Variants in LYZL1 observed in about 807,000 individuals in gnomAD.
LYZL1 encodes lysozyme like 1.
A neutral mutation model predicts 17.9 loss-of-function variants in LYZL1; 16 were observed. That is an observed-to-expected ratio of 0.90 (90% CI 0.61 to 1.36). The LOEUF is 1.36. LYZL1 is among the 40% of genes most tolerant of loss of function. LYZL1 has a pLI of 0.00. For missense variants in LYZL1, 149 were observed against 188.4 expected, an observed-to-expected ratio of 0.79 and a Z score of 1.22; for synonymous variants, 58 against 71.8, an observed-to-expected ratio of 0.81 and a Z score of 0.97.
chr10:29,311,373 C>T (rs1247072538), downstream of LYZL1: 4 of 600,440 alleles, frequency 6.7e-6, no homozygotes, highest in Non-Finnish European at 9.6e-6. Context: ...AACTGCTGCT[C>T]ATTCAAAAAT....
chr10:29,294,405 C>A (rs1480857868), intron 3 of LYZL1, among the ~76,000 whole-genome samples: 1 of 152,084 alleles, frequency 6.6e-6, no homozygotes. Context: ...GAGCTAAGTG[C>A]CATAAAAAGA....
At chr10:29,293,374 G>T (rs1004922077) in intron 3 of LYZL1, among the ~76,000 whole-genome samples, 1 of 151,952 alleles carries the variant, frequency 6.6e-6, no homozygotes, top group South Asian at 2.1e-4. Context: ...GGCCTAAGGA[G>T]ATTCTCCTGC....
downstream of LYZL1, among the ~76,000 whole-genome samples, chr10:29,313,689 G>A (rs574374339): frequency 1.3e-5 from 2 of 152,272 alleles, no homozygotes; most frequent in Admixed American, 1.3e-4. Context: ...CATAATTAAA[G>A]CCTTCAGAAA....
downstream of LYZL1, among the ~76,000 whole-genome samples, chr10:29,312,706 G>C (rs1452709698): frequency 6.6e-6 from 1 of 152,124 alleles, no homozygotes; most frequent in African/African-American, 2.4e-5. Flanking sequence ...TCCGCACAGG[G>C]ATGGCACCCC....
In LYZL1 at chr10:29,305,288, T is replaced by C. The variant is rs370992333; in HGVS notation, c.299-4822T>C. On this transcript the variant is annotated intron_variant, in intron 3 of 4. Transcript: ENST00000649382. ...TTGGATAACCTCATAGATAATTACT[T>C]GAAAAATTAATAAAGTATATTTTAA... 2.2e-4 allele frequency among the ~76,000 whole-genome samples: 33 copies of C among 152,336 alleles called. No individual in the cohort carries two copies. In the East Asian group the frequency reaches 5.2e-3, roughly 24 times the overall value.
In LYZL1 at chr10:29,310,153, G is replaced by A. The variant is rs778795102; in HGVS notation, c.342G>A (p.Arg114=). 3.7e-6 allele frequency: 6 copies of A among 1,612,550 alleles called. No homozygotes were observed. Among genetic ancestry groups the A allele is most frequent in the Non-Finnish European group, 4.2e-6 (5 of 1,178,656 alleles). Residue 114 remains arginine, a synonymous_variant, in exon 4 of 5, where the codon AGG becomes AGA. Transcript: ENST00000649382. ...TCACAGATGCAATTATCTGTGCCAG[G>A]AAAATTGTTAAAGAGACACAAGGAA... ...DDLTDAIICA[R]KIVKETQGMN... is the part of the protein sequence containing the mutation.
chr10:29,304,756 A>C (rs1310878927), intron 3 of LYZL1, among the ~76,000 whole-genome samples: 2 of 151,708 alleles, frequency 1.3e-5, no homozygotes, highest in African/African-American at 2.4e-5. Flanking sequence ...TTGTAACAAC[A>C]CCTCAGTGCT....
intron 3 of LYZL1, among the ~76,000 whole-genome samples, chr10:29,297,571 T>A (rs975820919): frequency 6.6e-6 from 1 of 152,254 alleles, no homozygotes; most frequent in Admixed American, 6.5e-5. Context: ...TTCTGCTTTG[T>A]CTCATACTGG....
intron 2 of LYZL1, among the ~76,000 whole-genome samples, 196 bp downstream of exon 2, chr10:29,292,202 C>T (rs906325431): frequency 3.3e-5 from 5 of 150,358 alleles, no homozygotes; most frequent in Admixed American, 2.0e-4. Context: ...TTCCTTATTC[C>T]TGGAGTCCTG....
chr10:29,300,144 G>C (rs1835497927), intron 3 of LYZL1, among the ~76,000 whole-genome samples: 1 of 152,040 alleles, frequency 6.6e-6, no homozygotes, highest in East Asian at 1.9e-4. Context: ...CATTTAATGT[G>C]ATTATTGATA....
chr10:29,300,016 G>A (rs374234684), intron 3 of LYZL1, among the ~76,000 whole-genome samples: 4 of 152,176 alleles, frequency 2.6e-5, no homozygotes, highest in Admixed American at 2.0e-4. Context: ...GAGTGTGAAC[G>A]CAGCCATAGA....
chr10:29,309,803 ATTTC>A (rs1835646045), intron 3 of LYZL1, among the ~76,000 whole-genome samples: 2 of 152,110 alleles, frequency 1.3e-5, no homozygotes, highest in African/African-American at 4.8e-5. Flanking sequence ...GCCTGCGCCT[ATTTC>A]TTTAAGACAT....
intron 3 of LYZL1, among the ~76,000 whole-genome samples, chr10:29,298,869 C>T (rs1835480367): frequency 6.6e-6 from 1 of 152,130 alleles, no homozygotes; most frequent in Non-Finnish European, 1.5e-5. Context: ...AGGATGGTTT[C>T]AGGATGATTC....
At chr10:29,308,270 A>C (rs116606862) in intron 3 of LYZL1, among the ~76,000 whole-genome samples, 2,739 of 152,312 alleles carry the variant, frequency 0.018, 96 homozygotes, top group African/African-American at 0.062. Flanking sequence ...ACCCAGTGAC[A>C]TGTGAGGCAG....
chr10:29,317,126 T>C (rs1048089409), intron 3 of LYZL1, among the ~76,000 whole-genome samples: 5 of 152,322 alleles, frequency 3.3e-5, no homozygotes, highest in African/African-American at 1.2e-4. Flanking sequence ...ATTAATATTT[T>C]CTAACACATG....
chr10:29,310,067 C>A, intron 3 of LYZL1, 43 bp from the exon 4 acceptor site: 1 of 1,445,598 alleles, frequency 6.9e-7, no homozygotes, highest in Non-Finnish European at 9.6e-7. Context: ...CCCTCTCCAA[C>A]AACAAAGTCT....
In LYZL1 at chr10:29,298,528, A is replaced by G. The variant is rs114226274; in HGVS notation, c.298+5851A>G. Among the ~76,000 whole-genome samples the G allele has an allele frequency of 4.7e-3, 723 of 152,264 alleles. 8 individuals are homozygous for G. Among genetic ancestry groups the G allele is most frequent in the African/African-American group, 0.016 (667 of 41,528 alleles). ...CAGAGCATGGTGGAGAAGGGTAGAG[A>G]GTGGATCCGTCAGGGCAAAGATGAC... is the stretch of plus-strand genomic sequence containing the variant. On this transcript the variant is annotated intron_variant, in intron 3 of 4. Transcript: ENST00000649382.
intron 3 of LYZL1, among the ~76,000 whole-genome samples, chr10:29,297,541 T>C (rs1003686547): frequency 6.6e-6 from 1 of 152,236 alleles, no homozygotes; most frequent in African/African-American, 2.4e-5. Flanking sequence ...TTCTGAGTAG[T>C]GTGATGAAAT....
downstream of LYZL1, among the ~76,000 whole-genome samples, chr10:29,315,811 C>T (rs114048707): frequency 0.035 from 5,340 of 150,986 alleles, 159 homozygotes; most frequent in South Asian, 0.078. Context: ...ACCGTACCAC[C>T]GCGCTCCAGT....
Sources: gnomAD v4.1 joint callset for allele counts (sites outside exome capture counted in the v4.1 genomes callset) on GRCh38, gnomAD v4.1.1 for gene constraint, MANE v1.5 for transcripts, NCBI Gene and HGNC (gene_info 2026-07-23, HGNC 2026-07-21) for gene names.